The following PKNOX2 variants were observed in gnomAD, a reference collection of about 807,000 sequenced individuals.
The protein encoded by PKNOX2 is PBX/knotted 1 homeobox 2, also known as homeobox protein PKNOX2.
Under a neutral mutation model 53.1 loss-of-function variants are expected in PKNOX2, and 14 were observed. That is an observed-to-expected ratio of 0.26 (90% CI 0.17 to 0.41). PKNOX2 has a LOEUF of 0.41. Ranked by LOEUF, PKNOX2 falls within the 10% of genes least tolerant of loss-of-function variation. PKNOX2 has a pLI of 1.00. For synonymous variants in PKNOX2, 257 were observed against 242.8 expected (o/e 1.06, Z -0.54); for missense variants, 496 against 602.8 (o/e 0.82, Z 1.85).
chr11:125,353,640 C>T (rs968495824), intron 4 of PKNOX2, among the ~76,000 whole-genome samples: 1 of 152,196 alleles, frequency 6.6e-6, no homozygotes, highest in African/African-American at 2.4e-5. Context: ...TCTGAGGATC[C>T]GCCAGAATGT....
intron 2 of PKNOX2, among the ~76,000 whole-genome samples, chr11:125,249,071 A>G (rs1255530087): frequency 6.8e-6 from 1 of 147,686 alleles, no homozygotes; most frequent in Non-Finnish European, 1.5e-5. Context: ...TATATAACAC[A>G]TATATACACA....
intron 3 of PKNOX2, among the ~76,000 whole-genome samples, chr11:125,337,127 T>C (rs1382753363): frequency 2.6e-5 from 4 of 152,150 alleles, no homozygotes; most frequent in African/African-American, 9.7e-5. Context: ...CTATAGGTGA[T>C]TATAAGATGG....
intron 1 of PKNOX2, among the ~76,000 whole-genome samples, chr11:125,222,246 G>A (rs1317782750): frequency 6.6e-6 from 1 of 152,110 alleles, no homozygotes; most frequent in African/African-American, 2.4e-5. Context: ...CACCCCCCTT[G>A]CTCTCTTCCA....
intron 1 of PKNOX2, among the ~76,000 whole-genome samples, chr11:125,200,847 G>C (rs1030526284): frequency 2.0e-5 from 3 of 152,196 alleles, no homozygotes; most frequent in African/African-American, 7.2e-5. Flanking sequence ...ACCCAGGCAG[G>C]GCCCTTGTTT....
At chr11:125,334,975 C>T (rs111643336) in intron 3 of PKNOX2, among the ~76,000 whole-genome samples, 1 of 152,096 alleles carries the variant, frequency 6.6e-6, no homozygotes, top group Admixed American at 6.5e-5. Context: ...GGCTTCTGTG[C>T]AGATTAAATG....
intron 7 of PKNOX2, among the ~76,000 whole-genome samples, chr11:125,398,850 G>A (rs2135462845): frequency 6.6e-6 from 1 of 152,354 alleles, no homozygotes; most frequent in South Asian, 2.1e-4. Flanking sequence ...CTGAGTCCTG[G>A]AAGACACCTG....
intron 5 of PKNOX2, among the ~76,000 whole-genome samples, chr11:125,384,754 C>A (rs1051919542): frequency 2.6e-5 from 4 of 152,020 alleles, no homozygotes; most frequent in Non-Finnish European, 5.9e-5. Context: ...GTCATAGAAC[C>A]CCCCGCCCCG....
At chr11:125,355,339 G>A (rs1462334836) in intron 4 of PKNOX2, among the ~76,000 whole-genome samples, 1 of 151,304 alleles carries the variant, frequency 6.6e-6, no homozygotes. Flanking sequence ...AACCCTCCCT[G>A]TGACCTACTT....
At chr11:125,383,954 A>G (rs2135368369) in intron 5 of PKNOX2, among the ~76,000 whole-genome samples, 1 of 152,260 alleles carries the variant, frequency 6.6e-6, no homozygotes, top group South Asian at 2.1e-4. Flanking sequence ...AAAACAAAAC[A>G]AAACAAAACA....
rs564276541 is a variant in PKNOX2, at chr11:125,211,717, C to T, written c.-200-23328C>T. ...CCGGCTGCTCGGGAGAGAGCTGGTG[C>T]CTGCTTTGGGCTGCAGGGGGAGGTG... is the stretch of plus-strand genomic sequence containing the variant. On this transcript the variant is annotated intron_variant, in intron 1 of 12. Coordinates refer to ENST00000298282, the MANE Select transcript of PKNOX2 (RefSeq NM_001382323.2). Among the ~76,000 whole-genome samples the T allele has an allele frequency of 2.4e-4, 36 of 152,158 alleles. 1 individual carries two copies. Among genetic ancestry groups the T allele is most frequent in the African/African-American group, 7.9e-4 (33 of 41,534 alleles).
chr11:125,184,327 G>A (rs1490483354), intron 1 of PKNOX2: 1 of 152,224 alleles, frequency 6.6e-6, no homozygotes, highest in South Asian at 2.1e-4. Context: ...AGCAGGCTTG[G>A]AATGTGGGGA....
intron 10 of PKNOX2, among the ~76,000 whole-genome samples, chr11:125,414,961 A>G (rs968923816): frequency 2.6e-5 from 4 of 152,182 alleles, no homozygotes; most frequent in African/African-American, 7.2e-5. Flanking sequence ...GTTTTCATCT[A>G]TAACACCTAC....
chr11:125,220,998 A>G (rs1267963701), intron 1 of PKNOX2, among the ~76,000 whole-genome samples: 2 of 152,200 alleles, frequency 1.3e-5, no homozygotes, highest in Non-Finnish European at 2.9e-5. Context: ...TACTAGAAAT[A>G]CAAAAAATCA....
chr11:125,279,821 A>C (rs1946427794), intron 2 of PKNOX2, among the ~76,000 whole-genome samples: 1 of 152,196 alleles, frequency 6.6e-6, no homozygotes, highest in African/African-American at 2.4e-5. Flanking sequence ...TACAGCATCA[A>C]ATTAAGCAAA....
At position 125,275,881 on chromosome 11, in the gene PKNOX2, G is replaced by A. The variant is rs181342352; in HGVS notation, c.-130+40766G>A. Reference sequence around the variant, plus strand: ...AAGAGGTTCAGTTGGAGATGGGGATGTGAGAGACCTGCATGTGTAAGAAGG... The same window carrying A: ...AAGAGGTTCAGTTGGAGATGGGGATATGAGAGACCTGCATGTGTAAGAAGG... On this transcript the variant is annotated intron_variant, in intron 2 of 12. Coordinates refer to ENST00000298282, the MANE Select transcript of PKNOX2 (RefSeq NM_001382323.2). Among the ~76,000 whole-genome samples the A allele has an allele frequency of 1.9e-4, 29 of 152,316 alleles. No individual in the cohort carries two copies. The East Asian group carries it at 2.7e-3, about 14-fold the overall frequency.
At chr11:125,271,474 C>T (rs551209366) in intron 2 of PKNOX2, among the ~76,000 whole-genome samples, 1 of 152,220 alleles carries the variant, frequency 6.6e-6, no homozygotes. Context: ...TTCCCTACCT[C>T]CATCCCAAGG....
At chr11:125,316,063 G>A (rs1227453668) in intron 2 of PKNOX2, among the ~76,000 whole-genome samples, 5 of 152,218 alleles carry the variant, frequency 3.3e-5, no homozygotes, top group Non-Finnish European at 5.9e-5. Flanking sequence ...AGGGAAGGAT[G>A]GAGGACGGAC....
chr11:125,202,913 A>C (rs1347253865), intron 1 of PKNOX2, among the ~76,000 whole-genome samples: 1 of 152,206 alleles, frequency 6.6e-6, no homozygotes, highest in East Asian at 1.9e-4. Context: ...AGAGTTTAAA[A>C]AACCTTTCAT....
intron 6 of PKNOX2, among the ~76,000 whole-genome samples, chr11:125,389,807 A>G (rs1369962959): frequency 2.0e-5 from 3 of 152,082 alleles, no homozygotes; most frequent in Non-Finnish European, 1.5e-5. Context: ...TTTATGTGTA[A>G]ATTTTTTAAC....
Sources: allele counts gnomAD v4.1 joint callset (sites outside exome capture counted in the v4.1 genomes callset), GRCh38; gene constraint gnomAD v4.1.1; transcripts MANE v1.5; gene names NCBI Gene and HGNC (gene_info 2026-07-23, HGNC 2026-07-21).